The following KIAA0825 variants were observed in gnomAD, a reference collection of about 807,000 sequenced individuals.
KIAA0825 encodes KIAA0825, also known as uncharacterized protein KIAA0825.
KIAA0825 carries 119 observed loss-of-function variants against 147.6 expected under a neutral mutation model. The ratio of observed to expected loss-of-function variants is 0.81; its 90% CI spans 0.69 to 0.94. The LOEUF (loss-of-function observed/expected upper bound fraction) is 0.94, where lower values mean the gene tolerates loss of function less well. KIAA0825 is among the 40% of genes least tolerant of loss of function. The probability of loss-of-function intolerance (pLI) is 0.00; values close to 1 mark genes in which losing one functional copy is unlikely to be tolerated. For synonymous variants in KIAA0825, 470 were observed against 518.1 expected (o/e 0.91, Z 1.26); for missense variants, 1,381 against 1,472.7 (o/e 0.94, Z 1.02).
At chr5:94,529,111 A>C (rs1169627786) in intron 3 of KIAA0825, among the ~76,000 whole-genome samples, 1 of 151,224 alleles carries the variant, frequency 6.6e-6, no homozygotes, top group Non-Finnish European at 1.5e-5. Context: ...GAGAAGCTAC[A>C]TACTGAGGGT....
intron 20 of KIAA0825, among the ~76,000 whole-genome samples, chr5:94,255,272 GCCTGTGT>G (rs1035177704): frequency 4.0e-5 from 6 of 151,816 alleles, no homozygotes; most frequent in African/African-American, 1.2e-4. Context: ...TTCCTATTGG[GCCTGTGT>G]CATTGCAGCA....
chr5:94,612,640 T>C (rs1789195843), intron 1 of KIAA0825, among the ~76,000 whole-genome samples: 1 of 152,212 alleles, frequency 6.6e-6, no homozygotes, highest in Non-Finnish European at 1.5e-5. Context: ...CCAGGCACCA[T>C]ATTAAACTCT....
chr5:94,606,763 A>C (rs1243196402), intron 1 of KIAA0825, among the ~76,000 whole-genome samples: 1 of 152,200 alleles, frequency 6.6e-6, no homozygotes, highest in Non-Finnish European at 1.5e-5. Flanking sequence ...AGAAAAACAA[A>C]CAAACATATT....
chr5:94,288,984 A>AC (rs961551848), intron 20 of KIAA0825, among the ~76,000 whole-genome samples: 17 of 151,970 alleles, frequency 1.1e-4, no homozygotes, highest in Non-Finnish European at 4.4e-5. Context: ...ATGCTGATCA[A>AC]CCCCCCTTTC....
rs574867313 is a variant in KIAA0825 at position 94,308,931 on chromosome 5, T to C, written c.3710+75437A>G. 5.9e-5 allele frequency among the ~76,000 whole-genome samples: 9 copies of C among 151,940 alleles called. No individual in the cohort carries two copies. The South Asian group carries it at 1.4e-3, about 24-fold the overall frequency. ...CAGCAACCACTTACCAAATTTCCAATTGGAAGCTTGAAACTGGCTACTTTA... is the reference window on the plus strand; with the variant it reads ...CAGCAACCACTTACCAAATTTCCAACTGGAAGCTTGAAACTGGCTACTTTA... On this transcript the variant is annotated intron_variant, in intron 20 of 20. Coordinates refer to ENST00000682413, the MANE Select transcript of KIAA0825 (RefSeq NM_001145678.3).
At chr5:94,282,613 G>A (rs1315490048) in intron 20 of KIAA0825, among the ~76,000 whole-genome samples, 1 of 152,058 alleles carries the variant, frequency 6.6e-6, no homozygotes, top group African/African-American at 2.4e-5. Context: ...ATGAAATATT[G>A]AAATTCATAA....
At chr5:94,245,664 C>T (rs933924894) in intron 20 of KIAA0825, among the ~76,000 whole-genome samples, 9 of 151,926 alleles carry the variant, frequency 5.9e-5, no homozygotes, top group East Asian at 1.9e-4. Context: ...AGTTAGCATG[C>T]GGGGGTCAAC....
chr5:94,234,790 A>G (rs1562327259), intron 20 of KIAA0825, among the ~76,000 whole-genome samples: 1 of 151,878 alleles, frequency 6.6e-6, no homozygotes, highest in Non-Finnish European at 1.5e-5. Flanking sequence ...TGATCCAAAC[A>G]CCTCCCACCA....
intron 15 of KIAA0825, chr5:94,413,470 A>G (rs900633839): frequency 6.6e-6 from 1 of 151,812 alleles, no homozygotes; most frequent in East Asian, 1.9e-4. Context: ...GCAGAAATAA[A>G]CTAATGATAA....
At chr5:94,316,652 A>G (rs1420176946) in intron 20 of KIAA0825, among the ~76,000 whole-genome samples, 1 of 151,778 alleles carries the variant, frequency 6.6e-6, no homozygotes, top group Non-Finnish European at 1.5e-5. Flanking sequence ...ATATATTAAT[A>G]GAAACAGTCC....
chr5:94,477,054 C>G, intron 7 of KIAA0825, 57 bp downstream of exon 7: 3 of 1,169,906 alleles, frequency 2.6e-6, no homozygotes, highest in Non-Finnish European at 3.7e-6. Flanking sequence ...AATGGATTCA[C>G]AGGCATATGA....
intron 20 of KIAA0825, among the ~76,000 whole-genome samples, chr5:94,296,996 A>G (rs1375229373): frequency 2.0e-5 from 3 of 152,192 alleles, no homozygotes; most frequent in Admixed American, 6.5e-5. Flanking sequence ...ATTCTAAACA[A>G]CTGCTATTGT....
chr5:94,499,588 G>A (rs116063834), intron 5 of KIAA0825, among the ~76,000 whole-genome samples: 6 of 126,974 alleles, frequency 4.7e-5, no homozygotes, highest in African/African-American at 2.0e-4. Flanking sequence ...CCCAATCTGG[G>A]GGGGGGGGGG....
chr5:94,460,119 C>T (rs1395748894), intron 12 of KIAA0825, among the ~76,000 whole-genome samples: 1 of 152,076 alleles, frequency 6.6e-6, no homozygotes, highest in Non-Finnish European at 1.5e-5. Flanking sequence ...ATCCAAAATG[C>T]AACATATGAA....
At chr5:94,450,686 C>T (rs1049725765) in intron 13 of KIAA0825, among the ~76,000 whole-genome samples, 3 of 152,070 alleles carry the variant, frequency 2.0e-5, no homozygotes, top group African/African-American at 7.2e-5. Context: ...AACACAGTTG[C>T]ATTGGGGATT....
intron 2 of KIAA0825, among the ~76,000 whole-genome samples, chr5:94,559,432 A>G (rs1777158628): frequency 6.6e-6 from 1 of 152,232 alleles, no homozygotes; most frequent in South Asian, 2.1e-4. Flanking sequence ...TCTCTTTAAA[A>G]TAGGACACAA....
intron 20 of KIAA0825, among the ~76,000 whole-genome samples, chr5:94,182,143 T>C (rs187041691): frequency 8.8e-4 from 133 of 151,376 alleles, no homozygotes; most frequent in African/African-American, 2.8e-3. Context: ...CAGCGCACCC[T>C]ATAGACAATG....
chr5:94,562,241 A>G (rs996701300), intron 2 of KIAA0825, among the ~76,000 whole-genome samples: 1 of 152,234 alleles, frequency 6.6e-6, no homozygotes, highest in African/African-American at 2.4e-5. Context: ...CAATAGAAGT[A>G]TAATTTGTCA....
chr5:94,348,946 T>G (rs972358799), intron 20 of KIAA0825, among the ~76,000 whole-genome samples: 3 of 152,174 alleles, frequency 2.0e-5, no homozygotes, highest in African/African-American at 7.2e-5. Context: ...GTACCTCACA[T>G]TTCAACACTA....
Sources: gnomAD v4.1 joint callset for allele counts (sites outside exome capture counted in the v4.1 genomes callset) on GRCh38, gnomAD v4.1.1 for gene constraint, MANE v1.5 for transcripts, NCBI Gene and HGNC (gene_info 2026-07-23, HGNC 2026-07-21) for gene names.